Variants in FBXO34 observed in about 807,000 individuals in gnomAD.
FBXO34 encodes F-box only protein 34.
FBXO34 carries 12 observed loss-of-function variants against 24.5 expected under a neutral mutation model. The ratio of observed to expected loss-of-function variants is 0.49; its 90% CI spans 0.31 to 0.79. The LOEUF is 0.79. Among genes scored for constraint, FBXO34 ranks in the 30% least tolerant of loss-of-function variants. FBXO34 has a pLI of 0.04. For synonymous variants in FBXO34, 320 were observed against 311.9 expected (o/e 1.03, Z -0.27); for missense variants, 823 against 857.7 (o/e 0.96, Z 0.51).
the FBXO34 span, among the ~76,000 whole-genome samples, chr14:55,402,934 T>A: frequency 1.9e-3 from 45 of 23,524 alleles, 1 homozygote; most frequent in East Asian, 3.5e-3. Context: ...AAAATATATA[T>A]ATATATATAT....
intron 1 of FBXO34, among the ~76,000 whole-genome samples, chr14:55,343,241 ATTTTTTTTTTT>A (rs377334751): frequency 7.6e-6 from 1 of 130,866 alleles, no homozygotes; most frequent in East Asian, 2.2e-4. Flanking sequence ...TATTCCTCCG[ATTTTTTTTTTT>A]TTTTTTTTGG....
chr14:55,323,370 C>T (rs1411420042), intron 1 of FBXO34, among the ~76,000 whole-genome samples: 3 of 138,324 alleles, frequency 2.2e-5, no homozygotes, highest in African/African-American at 8.1e-5. Flanking sequence ...TGACCTGGCC[C>T]CCCTTTAAAT....
downstream of FBXO34, chr14:55,369,279 C>A (rs1004755956): frequency 9.5e-5 from 17 of 179,756 alleles, no homozygotes; most frequent in Non-Finnish European, 1.5e-4. Context: ...GCACACTGAC[C>A]CATATCTGTG....
Position 55,310,761 on chromosome 14 carries a change from T to C in FBXO34, c.-11+39224T>C, listed in dbSNP as rs77887493. Among the ~76,000 whole-genome samples, 674 of 152,326 alleles carry C rather than the reference T, an allele frequency of 4.4e-3. 19 individuals carry two copies. In the East Asian group the frequency reaches 0.069, roughly 16 times the overall value. On this transcript the variant is annotated intron_variant, in intron 1 of 1. Transcript: ENST00000313833. ...ACATGTGTATCTGCCTTGGCTGGACTATATCTATTTGCAGATTGCCTCAAT... is the reference window on the plus strand; with the variant it reads ...ACATGTGTATCTGCCTTGGCTGGACCATATCTATTTGCAGATTGCCTCAAT...
At chr14:55,440,308 G>T in the FBXO34 span, 1 of 1,496,276 alleles carries the variant, frequency 6.7e-7, no homozygotes, top group Non-Finnish European at 9.1e-7. Context: ...TGGTCGCTAT[G>T]AGTTTTAAGA....
At chr14:55,345,614 G>C (rs1441615279) in intron 1 of FBXO34, among the ~76,000 whole-genome samples, 5 of 152,110 alleles carry the variant, frequency 3.3e-5, no homozygotes, top group Non-Finnish European at 5.9e-5. Flanking sequence ...AACATTTGTT[G>C]TAATTGTTTG....
chr14:55,345,234 A>G (rs1884120977), intron 1 of FBXO34, among the ~76,000 whole-genome samples: 1 of 152,182 alleles, frequency 6.6e-6, no homozygotes, highest in Non-Finnish European at 1.5e-5. Flanking sequence ...CTGAAGCCAT[A>G]GATGAGGACC....
the FBXO34 span, among the ~76,000 whole-genome samples, chr14:55,411,341 T>A: frequency 6.6e-6 from 1 of 152,216 alleles, no homozygotes; most frequent in African/African-American, 2.4e-5. Flanking sequence ...CTTATTCCTT[T>A]TTTCCCCAGT....
At chr14:55,288,295 T>A (rs1004834577) in intron 1 of FBXO34, among the ~76,000 whole-genome samples, 4 of 152,210 alleles carry the variant, frequency 2.6e-5, no homozygotes, top group East Asian at 1.9e-4. Context: ...GAAATTTTTT[T>A]AATTTTGTGC....
chr14:55,382,168 T>C, the FBXO34 span: 7 of 1,614,180 alleles, frequency 4.3e-6, no homozygotes, highest in South Asian at 6.6e-5. Flanking sequence ...ACTGTCACTC[T>C]CTGAAGACAC....
At chr14:55,335,663 C>A (rs1004025724) in intron 1 of FBXO34, among the ~76,000 whole-genome samples, 1 of 152,094 alleles carries the variant, frequency 6.6e-6, no homozygotes, top group African/African-American at 2.4e-5. Context: ...TAAAAAATGA[C>A]CCAGTACTTA....
At chr14:55,421,060 CAAA>C in the FBXO34 span, among the ~76,000 whole-genome samples, 6 of 107,562 alleles carry the variant, frequency 5.6e-5, no homozygotes, top group African/African-American at 1.4e-4. Context: ...GAATCTGTCT[CAAA>C]AAAAAAAAAA....
the FBXO34 span, chr14:55,377,949 A>C: frequency 1.4e-5 from 22 of 1,593,304 alleles, no homozygotes; most frequent in Non-Finnish European, 1.8e-5. Flanking sequence ...ACTATTTAAC[A>C]AAGTAAAAAT....
chr14:55,387,700 G>A, the FBXO34 span, among the ~76,000 whole-genome samples: 4 of 152,100 alleles, frequency 2.6e-5, no homozygotes, highest in East Asian at 3.9e-4. Flanking sequence ...ACGGAGTTTC[G>A]CTCTTGTTGC....
At chr14:55,405,122 G>A in the FBXO34 span, among the ~76,000 whole-genome samples, 4 of 152,196 alleles carry the variant, frequency 2.6e-5, no homozygotes, top group East Asian at 1.9e-4. Context: ...TGAAACAGTC[G>A]TAAGGCTGAT....
intron 1 of FBXO34, among the ~76,000 whole-genome samples, chr14:55,291,479 C>T (rs1881943123): frequency 1.3e-5 from 2 of 152,132 alleles, no homozygotes; most frequent in Admixed American, 1.3e-4. Flanking sequence ...CTTCTACTCA[C>T]AAACATGTCA....
chr14:55,424,273 A>AGGCCGGGCGCGGTGGCTC, the FBXO34 span: 1 of 1,520,316 alleles, frequency 6.6e-7, no homozygotes, highest in South Asian at 1.1e-5. Flanking sequence ...TGTAAAAGGA[A>AGGCCGGGCGCGGTGGCTC]AATGTTAAAA....
At chr14:55,406,057 C>T in the FBXO34 span, among the ~76,000 whole-genome samples, 1 of 152,164 alleles carries the variant, frequency 6.6e-6, no homozygotes, top group African/African-American at 2.4e-5. Flanking sequence ...AGGTATTTCT[C>T]AACTAATCTG....
At chr14:55,346,934 CATCCAGA>C (rs1884178775) in intron 1 of FBXO34, among the ~76,000 whole-genome samples, 2 of 152,182 alleles carry the variant, frequency 1.3e-5, no homozygotes, top group Admixed American at 1.3e-4. Context: ...CCCCAGTCCA[CATCCAGA>C]ATCCTACTCT....
Sources: gnomAD v4.1 joint callset for allele counts (sites outside exome capture counted in the v4.1 genomes callset) on GRCh38, gnomAD v4.1.1 for gene constraint, MANE v1.5 for transcripts, NCBI Gene and HGNC (gene_info 2026-07-23, HGNC 2026-07-21) for gene names.